Variants in DYM observed in about 807,000 individuals in gnomAD.
DYM encodes the protein dymeclin.
In DYM, 78 loss-of-function variants were observed where a neutral mutation model predicts 93.1. That is an observed-to-expected ratio of 0.84 (90% CI 0.70 to 1.01). DYM has a LOEUF of 1.01. Ranked by LOEUF, DYM falls within the 50% of genes least tolerant of loss-of-function variation. The pLI is 0.00. For missense variants in DYM, 789 were observed against 845.0 expected (o/e 0.93, Z 0.82); for synonymous variants, 321 against 319.7 (o/e 1.00, Z -0.04).
chr18:49,405,174 T>A (rs138268392), intron 2 of DYM, among the ~76,000 whole-genome samples: 4,852 of 152,302 alleles, frequency 0.032, 111 homozygotes, highest in Middle Eastern at 0.054. Flanking sequence ...TTTGCAAATA[T>A]TTTCTCCCAT....
At chr18:49,122,959 T>C (rs889763944) in intron 15 of DYM, among the ~76,000 whole-genome samples, 9 of 152,232 alleles carry the variant, frequency 5.9e-5, no homozygotes, top group African/African-American at 1.4e-4. Flanking sequence ...TGTTGCTTAC[T>C]GAGCTTTGAA....
Position 49,331,469 on chromosome 18 carries a change from C to T in DYM, c.763+395G>A, listed in dbSNP as rs183133743. Among the ~76,000 whole-genome samples the T allele has an allele frequency of 1.6e-3, 250 of 152,328 alleles. 1 individual carries two copies. Among genetic ancestry groups the T allele is most frequent in the African/African-American group, 5.5e-3 (228 of 41,570 alleles). On this transcript the variant is annotated intron_variant, in intron 8 of 17. Coordinates refer to ENST00000675505, the MANE Select transcript of DYM (RefSeq NM_001353214.3). ...CACTTAGTGTAATAGGAAAACTGCA[C>T]CTAATTAGTCACATGAAATCCTAAC...
At chr18:49,401,267 T>A (rs1321419628) in intron 2 of DYM, among the ~76,000 whole-genome samples, 2 of 152,172 alleles carry the variant, frequency 1.3e-5, no homozygotes, top group African/African-American at 4.8e-5. Context: ...TCAACAACCA[T>A]ACTGATCCAA....
intron 8 of DYM, among the ~76,000 whole-genome samples, chr18:49,289,808 T>TACAC (rs372719999): frequency 4.7e-5 from 6 of 126,996 alleles, no homozygotes; most frequent in African/African-American, 1.9e-4. Context: ...TATATATATA[T>TACAC]ACACATATAT....
intron 17 of DYM, among the ~76,000 whole-genome samples, chr18:49,046,165 G>A (rs1303804675): frequency 1.6e-5 from 2 of 128,418 alleles, no homozygotes; most frequent in African/African-American, 6.1e-5. Context: ...ACCGAGGCAC[G>A]CACACACAGA....
At chr18:49,140,752 AAAT>A (rs2084394246) in intron 15 of DYM, among the ~76,000 whole-genome samples, 1 of 152,208 alleles carries the variant, frequency 6.6e-6, no homozygotes, top group Non-Finnish European at 1.5e-5. Context: ...GAGACAGGCT[AAAT>A]AGGAGAATGA....
At chr18:49,047,639 C>T (rs1000057899) in intron 17 of DYM, among the ~76,000 whole-genome samples, 1 of 152,178 alleles carries the variant, frequency 6.6e-6, no homozygotes, top group Non-Finnish European at 1.5e-5. Context: ...CTGGGTGTTC[C>T]CTAACTGCTG....
At chr18:49,456,432 G>A (rs2082992138) in intron 1 of DYM, among the ~76,000 whole-genome samples, 1 of 152,184 alleles carries the variant, frequency 6.6e-6, no homozygotes, top group African/African-American at 2.4e-5. Flanking sequence ...TAATTGTCAA[G>A]ATTCAGTGAC....
At chr18:49,416,539 G>T (rs1049907752) in intron 2 of DYM, among the ~76,000 whole-genome samples, 2 of 152,156 alleles carry the variant, frequency 1.3e-5, no homozygotes, top group Admixed American at 6.5e-5. Flanking sequence ...CTCAAATCAG[G>T]TGTTAATTTA....
At chr18:49,044,478 G>A (rs1348844401) in intron 17 of DYM, among the ~76,000 whole-genome samples, 1 of 152,262 alleles carries the variant, frequency 6.6e-6, no homozygotes, top group Admixed American at 6.5e-5. Context: ...CCCCAACAGT[G>A]GTTAAGGTAT....
At chr18:49,415,862 G>A (rs2072910795) in intron 2 of DYM, among the ~76,000 whole-genome samples, 1 of 151,006 alleles carries the variant, frequency 6.6e-6, no homozygotes, top group South Asian at 2.1e-4. Flanking sequence ...GGGAGGCAGA[G>A]GCTGCAGTGA....
At chr18:49,393,302 G>C (rs80176386) in intron 2 of DYM, among the ~76,000 whole-genome samples, 2 of 152,006 alleles carry the variant, frequency 1.3e-5, no homozygotes, top group Non-Finnish European at 2.9e-5. Flanking sequence ...ATTACCATCC[G>C]GGTAGATACC....
intron 8 of DYM, among the ~76,000 whole-genome samples, chr18:49,324,138 CAAAAAA>C (rs59640889): frequency 2.9e-4 from 16 of 54,442 alleles, no homozygotes; most frequent in Non-Finnish European, 4.8e-4. Context: ...GGCTCTGTCT[CAAAAAA>C]AAAAAAAAAA....
chr18:49,427,318 G>A (rs930013827), intron 2 of DYM, among the ~76,000 whole-genome samples: 1 of 152,100 alleles, frequency 6.6e-6, no homozygotes, highest in Non-Finnish European at 1.5e-5. Flanking sequence ...CAGAAAAACT[G>A]ACACAATTTG....
intron 2 of DYM, among the ~76,000 whole-genome samples, chr18:49,428,362 C>T (rs567063968): frequency 6.6e-6 from 1 of 152,072 alleles, no homozygotes; most frequent in East Asian, 1.9e-4. Flanking sequence ...TTACATGAAA[C>T]GTCTAGAAGA....
intron 17 of DYM, among the ~76,000 whole-genome samples, chr18:49,063,734 C>G (rs975392306): frequency 6.8e-6 from 1 of 147,344 alleles, no homozygotes; most frequent in African/African-American, 2.5e-5. Context: ...TGAAGCGATT[C>G]TCCCATCTCA....
At chr18:49,048,618 CAGA>C (rs1049034324) in intron 17 of DYM, 3 of 152,076 alleles carry the variant, frequency 2.0e-5, no homozygotes, top group Non-Finnish European at 2.9e-5. Flanking sequence ...AAACTGCTCT[CAGA>C]AGAATTCCTT....
chr18:49,197,216 C>G (rs985039030), intron 14 of DYM, among the ~76,000 whole-genome samples: 1 of 152,062 alleles, frequency 6.6e-6, no homozygotes, highest in Admixed American at 6.6e-5. Context: ...CAATTTGGAA[C>G]ATATTGGCAT....
At position 49,370,954 on chromosome 18, in the gene DYM, T is replaced by C. The variant is rs138456614; in HGVS notation, c.421+7613A>G. ...ACCAAAAGAACAACCTACGAGCAAA[T>C]AAATGGACTTGAATCCAGAGTAAAA... On this transcript the variant is annotated intron_variant, in intron 5 of 17. Coordinates refer to ENST00000675505, the MANE Select transcript of DYM (RefSeq NM_001353214.3). Among the ~76,000 whole-genome samples, 220 of 152,024 alleles carry C rather than the reference T, an allele frequency of 1.4e-3. 1 individual carries two copies. The highest frequency in any genetic ancestry group is 5.0e-3 in the African/African-American group (206 of 41,478).
Sources: gnomAD v4.1 joint callset for allele counts (sites outside exome capture counted in the v4.1 genomes callset) on GRCh38, gnomAD v4.1.1 for gene constraint, MANE v1.5 for transcripts, NCBI Gene and HGNC (gene_info 2026-07-23, HGNC 2026-07-21) for gene names.